Variants in AGBL4 observed in about 807,000 individuals in gnomAD.
The protein encoded by AGBL4 is AGBL carboxypeptidase 4.
Under a neutral mutation model 66.4 loss-of-function variants are expected in AGBL4, and 58 were observed. That is an observed-to-expected ratio of 0.87 (90% CI 0.71 to 1.09). The LOEUF (loss-of-function observed/expected upper bound fraction) is 1.09. AGBL4 is among the 50% of genes least tolerant of loss of function. The pLI is 0.00. For synonymous variants in AGBL4, 234 were observed against 222.9 expected (o/e 1.05, Z -0.44); for missense variants, 579 against 631.0 (o/e 0.92, Z 0.88).
intron 6 of AGBL4, among the ~76,000 whole-genome samples, chr1:48,833,963 A>C (rs1463598445): frequency 1.3e-5 from 2 of 152,140 alleles, no homozygotes; most frequent in Non-Finnish European, 2.9e-5. Flanking sequence ...TGGTGTTGAC[A>C]GATCAGAATG....
intron 3 of AGBL4, among the ~76,000 whole-genome samples, chr1:49,484,642 G>A (rs1182725653): frequency 6.6e-6 from 1 of 151,748 alleles, no homozygotes; most frequent in Non-Finnish European, 1.5e-5. Context: ...GGGTTGATTG[G>A]TACAAATAAT....
intron 4 of AGBL4, among the ~76,000 whole-genome samples, chr1:49,046,321 A>G (rs1644079598): frequency 6.6e-6 from 1 of 152,196 alleles, no homozygotes; most frequent in South Asian, 2.1e-4. Context: ...AAATTATAAG[A>G]CTAATTAAGA....
chr1:48,579,518 G>T (rs974684910), intron 11 of AGBL4, among the ~76,000 whole-genome samples: 1 of 151,460 alleles, frequency 6.6e-6, no homozygotes, highest in African/African-American at 2.4e-5. Flanking sequence ...TGGGATTACA[G>T]GCATGAGCCA....
intron 1 of AGBL4, among the ~76,000 whole-genome samples, chr1:50,023,092 ACACT>A (rs1414900716): frequency 6.6e-6 from 1 of 152,150 alleles, no homozygotes; most frequent in Admixed American, 6.5e-5. Flanking sequence ...GAACCCACAC[ACACT>A]CACACTCACG....
intron 1 of AGBL4, among the ~76,000 whole-genome samples, chr1:49,931,706 A>AAGG (rs1653383339): frequency 6.6e-6 from 1 of 152,202 alleles, no homozygotes; most frequent in South Asian, 2.1e-4. Context: ...TGATCTAAAG[A>AAGG]TTTAATAAAA....
At position 49,890,922 on chromosome 1, in the gene AGBL4, C is replaced by T. The variant is rs145768703; in HGVS notation, c.35-39404G>A. Among the ~76,000 whole-genome samples, 71 of 152,250 alleles carry T rather than the reference C, an allele frequency of 4.7e-4. 1 individual carries two copies. The highest frequency in any genetic ancestry group is 1.5e-3 in the African/African-American group (63 of 41,560). On this transcript the variant is annotated intron_variant, in intron 1 of 13. Transcript: ENST00000371839. ...TAAATTTGGGGTTCATCTGGCATAA[C>T]AGTAAGCCCATGCACATTAATACAA...
At chr1:48,987,496 A>G (rs1428660393) in intron 5 of AGBL4, among the ~76,000 whole-genome samples, 1 of 152,068 alleles carries the variant, frequency 6.6e-6, no homozygotes, top group Non-Finnish European at 1.5e-5. Flanking sequence ...TGCATCTAAT[A>G]CCAGAGCTTG....
chr1:49,080,037 G>A (rs186068539), intron 4 of AGBL4, among the ~76,000 whole-genome samples: 8 of 152,102 alleles, frequency 5.3e-5, no homozygotes, highest in Admixed American at 2.6e-4. Flanking sequence ...CCAACTTAGC[G>A]TATTTAATAT....
intron 4 of AGBL4, among the ~76,000 whole-genome samples, chr1:49,237,546 A>G (rs1368894739): frequency 3.0e-3 from 11 of 3,630 alleles, no homozygotes; most frequent in Admixed American, 0.014. Context: ...ATATATATAT[A>G]TATATATATA....
chr1:49,157,566 GAATGATTTATAATCC>G (rs1428590160), intron 4 of AGBL4, among the ~76,000 whole-genome samples: 1 of 152,134 alleles, frequency 6.6e-6, no homozygotes, highest in African/African-American at 2.4e-5. Flanking sequence ...CTTTATAGTA[GAATGATTTATAATCC>G]ATTGGGTATA....
chr1:49,356,913 C>A (rs1272259581), intron 3 of AGBL4, among the ~76,000 whole-genome samples: 1 of 152,162 alleles, frequency 6.6e-6, no homozygotes, highest in Non-Finnish European at 1.5e-5. Context: ...CCTGATTGAC[C>A]TCAAAGCCAC....
chr1:49,842,516 T>G, intron 2 of AGBL4: 2 of 987,782 alleles, frequency 2.0e-6, no homozygotes, highest in Non-Finnish European at 2.4e-6. Flanking sequence ...ACAGCAAATT[T>G]ACTACTCAGT....
chr1:49,134,324 T>C (rs375503266), intron 4 of AGBL4, among the ~76,000 whole-genome samples: 43 of 151,946 alleles, frequency 2.8e-4, no homozygotes, highest in African/African-American at 9.2e-4. Flanking sequence ...CTTAACAGGG[T>C]TCAAGAGCAG....
At chr1:49,170,437 AAT>A (rs1205153418) in intron 4 of AGBL4, among the ~76,000 whole-genome samples, 17 of 142,606 alleles carry the variant, frequency 1.2e-4, no homozygotes, top group South Asian at 8.5e-4. Context: ...TATATAAATA[AAT>A]ATATATGTTT....
intron 3 of AGBL4, among the ~76,000 whole-genome samples, chr1:49,550,288 T>C (rs1458492339): frequency 6.6e-6 from 1 of 152,202 alleles, no homozygotes; most frequent in Admixed American, 6.5e-5. Flanking sequence ...AATGTTAGTA[T>C]TGAGATATGA....
chr1:49,554,589 T>A (rs1327073693), intron 3 of AGBL4, among the ~76,000 whole-genome samples: 2 of 152,192 alleles, frequency 1.3e-5, no homozygotes, highest in Non-Finnish European at 2.9e-5. Context: ...AAAACATGCT[T>A]GAGAGGAGGC....
At chr1:49,982,944 G>C (rs1287077220) in intron 1 of AGBL4, among the ~76,000 whole-genome samples, 1 of 152,128 alleles carries the variant, frequency 6.6e-6, no homozygotes, top group African/African-American at 2.4e-5. Flanking sequence ...TCTCTCATGA[G>C]AGCTGAGCAC....
chr1:48,747,161 G>A (rs898988167), intron 6 of AGBL4, among the ~76,000 whole-genome samples: 17 of 152,306 alleles, frequency 1.1e-4, no homozygotes, highest in Admixed American at 2.0e-4. Context: ...AAGCACTTGC[G>A]TTAAGAGACA....
At chr1:49,582,701 T>A (rs554482186) in intron 3 of AGBL4, among the ~76,000 whole-genome samples, 19 of 152,296 alleles carry the variant, frequency 1.2e-4, no homozygotes, top group Admixed American at 1.1e-3. Context: ...GAGAGTAGTG[T>A]CTTACTATAG....
Sources: allele counts gnomAD v4.1 joint callset (sites outside exome capture counted in the v4.1 genomes callset), GRCh38; gene constraint gnomAD v4.1.1; transcripts MANE v1.5; gene names NCBI Gene and HGNC (gene_info 2026-07-23, HGNC 2026-07-21).